The following TP63 variants were observed in gnomAD, a reference collection of about 807,000 sequenced individuals.
The protein encoded by TP63 is tumor protein 63.
Under a neutral mutation model 82.8 loss-of-function variants are expected in TP63, and 17 were observed. The ratio of observed to expected loss-of-function variants is 0.21; its 90% CI spans 0.14 to 0.31. TP63 has a LOEUF of 0.31. Among genes scored for constraint, TP63 ranks in the 10% least tolerant of loss-of-function variants. TP63 has a pLI of 1.00. For missense variants in TP63, 648 were observed against 895.3 expected, an observed-to-expected ratio of 0.72 and a Z score of 3.52; for synonymous variants, 330 against 321.7, an observed-to-expected ratio of 1.03 and a Z score of -0.28.
chr3:189,869,492 G>A (rs1316869597), intron 9 of TP63, 86 bp downstream of exon 9: 2 of 1,188,356 alleles, frequency 1.7e-6, no homozygotes, highest in East Asian at 4.9e-5. Context: ...CTCATTATCT[G>A]TGACAATGGG....
At chr3:189,831,975 G>A (rs750895388) in intron 4 of TP63, among the ~76,000 whole-genome samples, 1 of 151,564 alleles carries the variant, frequency 6.6e-6, no homozygotes, top group Non-Finnish European at 1.5e-5. Context: ...GGGATTATAG[G>A]CATGCACCAC....
chr3:189,640,661 A>G (rs184903272), intron 1 of TP63, among the ~76,000 whole-genome samples: 70 of 152,258 alleles, frequency 4.6e-4, no homozygotes, highest in African/African-American at 1.6e-3. Context: ...TGTACATACA[A>G]TTTTACCTCT....
chr3:189,801,378 A>ATTC (rs1368269823), intron 3 of TP63, among the ~76,000 whole-genome samples: 1 of 152,176 alleles, frequency 6.6e-6, no homozygotes, highest in African/African-American at 2.4e-5. Context: ...AAATATTAAA[A>ATTC]TTCTATCCTG....
At chr3:189,655,197 G>A (rs1713228129) in intron 1 of TP63, among the ~76,000 whole-genome samples, 1 of 152,136 alleles carries the variant, frequency 6.6e-6, no homozygotes, top group African/African-American at 2.4e-5. Flanking sequence ...ATTATTTTAG[G>A]AGACTTCTTG....
upstream of TP63, chr3:189,631,239 GA>G (rs1327643447): frequency 5.1e-6 from 5 of 985,384 alleles, no homozygotes; most frequent in Non-Finnish European, 4.8e-6. Context: ...AGCCGTGAGA[GA>G]GGGGGAAGAA....
At chr3:189,765,433 C>CTTTTTTTTGTTTTTTT (rs1722874010) in intron 3 of TP63, among the ~76,000 whole-genome samples, 1 of 30,088 alleles carries the variant, frequency 3.3e-5, no homozygotes, top group African/African-American at 1.2e-4. Context: ...CTGTCCTCTG[C>CTTTTTTTTGTTTTTTT]TTTTTTTTTT....
intron 1 of TP63, among the ~76,000 whole-genome samples, chr3:189,667,037 A>C (rs1350976088): frequency 6.6e-6 from 1 of 151,706 alleles, no homozygotes; most frequent in Non-Finnish European, 1.5e-5. Context: ...AAAAAAAAAA[A>C]AAAACTCATA....
intron 9 of TP63, among the ~76,000 whole-genome samples, chr3:189,870,779 A>G (rs1427111328): frequency 6.6e-6 from 1 of 152,172 alleles, no homozygotes; most frequent in Non-Finnish European, 1.5e-5. Context: ...GGTGGCTGGC[A>G]TAGCCCTTGA....
the TP63 span, among the ~76,000 whole-genome samples, chr3:189,603,581 A>C: frequency 1.4e-5 from 2 of 146,988 alleles, no homozygotes; most frequent in Non-Finnish European, 3.0e-5. Context: ...GAACTACCGG[A>C]CACCCCATGT....
chr3:189,811,365 C>A (rs1195907014), intron 4 of TP63, among the ~76,000 whole-genome samples: 1 of 152,174 alleles, frequency 6.6e-6, no homozygotes, highest in South Asian at 2.1e-4. Context: ...GATTTTTGTT[C>A]ACTTTTCTGC....
chr3:189,735,630 T>C (rs1720523085), intron 1 of TP63, among the ~76,000 whole-genome samples: 1 of 152,326 alleles, frequency 6.6e-6, no homozygotes, highest in Middle Eastern at 3.4e-3. Flanking sequence ...TCCCATTGAT[T>C]TTGCCCTTTT....
intron 3 of TP63, among the ~76,000 whole-genome samples, chr3:189,774,434 T>A (rs1213740079): frequency 1.3e-5 from 2 of 152,222 alleles, no homozygotes. Context: ...CCAAATACTT[T>A]TGTGAGCTGA....
At chr3:189,639,658 A>C (rs549516425) in intron 1 of TP63, among the ~76,000 whole-genome samples, 2 of 152,148 alleles carry the variant, frequency 1.3e-5, no homozygotes, top group Non-Finnish European at 2.9e-5. Context: ...CAGATTTTTC[A>C]TAATTGAGGG....
At chr3:189,868,015 C>A in intron 7 of TP63, 73 bp downstream of exon 7, 1 of 1,250,032 alleles carries the variant, frequency 8.0e-7, no homozygotes, top group Non-Finnish European at 1.2e-6. Context: ...ATCGTGGCTG[C>A]TTTATCATTA....
intron 1 of TP63, among the ~76,000 whole-genome samples, chr3:189,708,823 A>C (rs1354576003): frequency 2.0e-5 from 3 of 152,210 alleles, no homozygotes; most frequent in Non-Finnish European, 4.4e-5. Flanking sequence ...TAATACTTAA[A>C]ATAGGATTAC....
At chr3:189,701,158 CCT>C (rs1456143164) in intron 1 of TP63, among the ~76,000 whole-genome samples, 8 of 152,076 alleles carry the variant, frequency 5.3e-5, no homozygotes, top group African/African-American at 1.9e-4. Context: ...GTCCATTAAA[CCT>C]CTTTTTCTTT....
At chr3:189,886,613 T>G in intron 11 of TP63, 62 bp downstream of exon 11, 3 of 1,602,578 alleles carry the variant, frequency 1.9e-6, no homozygotes, top group African/African-American at 1.3e-5. Context: ...GACAAGACTC[T>G]GTGATGGGGA....
intron 4 of TP63, among the ~76,000 whole-genome samples, chr3:189,847,040 A>G (rs1490625857): frequency 6.6e-6 from 1 of 152,148 alleles, no homozygotes; most frequent in African/African-American, 2.4e-5. Context: ...TGCGTTCTCT[A>G]AGAGATTTGC....
At chr3:189,792,280 G>A (rs550750679) in intron 3 of TP63, among the ~76,000 whole-genome samples, 4 of 152,142 alleles carry the variant, frequency 2.6e-5, no homozygotes, top group African/African-American at 7.2e-5. Context: ...ACAGCGGAGA[G>A]GCCGCAAGCA....
Sources: allele counts gnomAD v4.1 joint callset (sites outside exome capture counted in the v4.1 genomes callset), GRCh38; gene constraint gnomAD v4.1.1; transcripts MANE v1.5; gene names NCBI Gene and HGNC (gene_info 2026-07-23, HGNC 2026-07-21).